NAALADL2: variants seen among roughly 807,000 people sequenced by gnomAD.
NAALADL2 encodes the protein N-acetylated alpha-linked acidic dipeptidase like 2.
NAALADL2 carries 76 observed loss-of-function variants against 87.2 expected under a neutral mutation model. That is an observed-to-expected ratio of 0.87 (90% CI 0.72 to 1.05). NAALADL2 has a LOEUF of 1.05. Ranked by LOEUF, NAALADL2 falls within the 50% of genes least tolerant of loss-of-function variation. The pLI is 0.00. For missense variants in NAALADL2, 1,089 were observed against 945.8 expected (o/e 1.15, Z -1.99); for synonymous variants, 354 against 331.0 (o/e 1.07, Z -0.75).
intron 2 of NAALADL2, among the ~76,000 whole-genome samples, chr3:174,566,616 A>C (rs1425156606): frequency 6.6e-6 from 1 of 151,348 alleles, no homozygotes; most frequent in Non-Finnish European, 1.5e-5. Context: ...AGCTTCCCTC[A>C]TTCCATATTT....
intron 1 of NAALADL2, among the ~76,000 whole-genome samples, chr3:174,522,154 A>T (rs915598883): frequency 1.1e-4 from 16 of 152,136 alleles, no homozygotes; most frequent in African/African-American, 3.4e-4. Context: ...CGTCTCATAG[A>T]GTATAGTGGG....
rs142645748 is a variant in NAALADL2 at position 175,734,202 on chromosome 3, C to T, written c.1897-3104C>T. On this transcript the variant is annotated intron_variant, in intron 11 of 13. Transcript: ENST00000454872. ...TTGCAGAGGTTCTCCATGATGGCCTCGCCCCTGCAACAAATATTTGCTTGG... is the reference window on the plus strand; with the variant it reads ...TTGCAGAGGTTCTCCATGATGGCCTTGCCCCTGCAACAAATATTTGCTTGG... Among the ~76,000 whole-genome samples, 981 of 152,292 alleles carry T rather than the reference C, an allele frequency of 6.4e-3. 1 individual carries two copies. Among genetic ancestry groups the T allele is most frequent in the South Asian group, 0.013 (65 of 4,830 alleles).
intron 2 of NAALADL2, among the ~76,000 whole-genome samples, chr3:174,580,319 A>G (rs1716023530): frequency 6.6e-6 from 1 of 152,076 alleles, no homozygotes; most frequent in Admixed American, 6.6e-5. Flanking sequence ...TAATTATGTC[A>G]AAAATATTTT....
chr3:175,500,627 C>G (rs1729410051), intron 9 of NAALADL2, among the ~76,000 whole-genome samples: 1 of 152,018 alleles, frequency 6.6e-6, no homozygotes, highest in Non-Finnish European at 1.5e-5. Context: ...AACAATTATC[C>G]TGTGTCAGGC....
intron 1 of NAALADL2, among the ~76,000 whole-genome samples, chr3:174,528,618 C>T (rs1720971663): frequency 6.6e-6 from 1 of 152,136 alleles, no homozygotes; most frequent in Non-Finnish European, 1.5e-5. Context: ...TTAGTTTTCA[C>T]ACTGCTGATA....
At chr3:175,249,920 G>A (rs1748705672) in intron 3 of NAALADL2, among the ~76,000 whole-genome samples, 1 of 152,142 alleles carries the variant, frequency 6.6e-6, no homozygotes, top group Non-Finnish European at 1.5e-5. Flanking sequence ...TGTAATCCCA[G>A]CAACTTTGGG....
intron 11 of NAALADL2, among the ~76,000 whole-genome samples, chr3:175,696,089 A>G (rs959263883): frequency 1.3e-5 from 2 of 152,328 alleles, no homozygotes; most frequent in African/African-American, 4.8e-5. Flanking sequence ...TTTTATAGCA[A>G]GAGTGACAAA....
chr3:175,649,561 G>T (rs1043345877), intron 11 of NAALADL2, among the ~76,000 whole-genome samples: 7 of 152,130 alleles, frequency 4.6e-5, no homozygotes, highest in African/African-American at 1.7e-4. Context: ...TTGGTATCTG[G>T]TAAGAGTCTC....
intron 10 of NAALADL2, among the ~76,000 whole-genome samples, chr3:175,591,784 G>GTGTGTGTGTATA (rs1443245536): frequency 7.3e-6 from 1 of 137,096 alleles, no homozygotes; most frequent in African/African-American, 2.8e-5. Flanking sequence ...GTGTGTGTGT[G>GTGTGTGTGTATA]TATATATATA....
At chr3:174,700,000 T>A (rs1434993326) in intron 2 of NAALADL2, among the ~76,000 whole-genome samples, 1 of 152,104 alleles carries the variant, frequency 6.6e-6, no homozygotes, top group Non-Finnish European at 1.5e-5. Flanking sequence ...AAGTGTCAGG[T>A]TCAATTCTCC....
At chr3:175,674,595 C>T (rs934175814) in intron 11 of NAALADL2, among the ~76,000 whole-genome samples, 2 of 152,014 alleles carry the variant, frequency 1.3e-5, no homozygotes, top group African/African-American at 2.4e-5. Flanking sequence ...GATGGATTCT[C>T]TACTTACCAC....
At chr3:174,658,140 G>T (rs1195111843) in intron 2 of NAALADL2, among the ~76,000 whole-genome samples, 1 of 152,108 alleles carries the variant, frequency 6.6e-6, no homozygotes, top group Non-Finnish European at 1.5e-5. Context: ...TGGATAAATA[G>T]TATGATTGTT....
chr3:174,803,101 T>C (rs1244037366), intron 3 of NAALADL2, among the ~76,000 whole-genome samples: 1 of 152,190 alleles, frequency 6.6e-6, no homozygotes, highest in Middle Eastern at 3.2e-3. Context: ...ACCAACAGTG[T>C]AAAAGCATTC....
chr3:174,844,039 A>G (rs528712339), intron 3 of NAALADL2, among the ~76,000 whole-genome samples: 1 of 152,196 alleles, frequency 6.6e-6, no homozygotes, highest in African/African-American at 2.4e-5. Context: ...CAATTTGCCT[A>G]TTTTTGAGTT....
chr3:174,493,588 T>C (rs1232261520), intron 1 of NAALADL2, among the ~76,000 whole-genome samples: 1 of 152,184 alleles, frequency 6.6e-6, no homozygotes, highest in Non-Finnish European at 1.5e-5. Flanking sequence ...CCTGGCAAAT[T>C]AATACAATGA....
chr3:175,105,942 A>G (rs1723076779), intron 2 of NAALADL2, among the ~76,000 whole-genome samples: 1 of 152,078 alleles, frequency 6.6e-6, no homozygotes, highest in Non-Finnish European at 1.5e-5. Flanking sequence ...AGGAGGTGCA[A>G]AGTGGATCCC....
At chr3:175,266,134 T>G (rs1449230048) in intron 4 of NAALADL2, among the ~76,000 whole-genome samples, 2 of 150,802 alleles carry the variant, frequency 1.3e-5, no homozygotes, top group African/African-American at 4.8e-5. Context: ...ATTTTGTATA[T>G]TTTCTCTCAT....
At chr3:175,325,467 T>C (rs1018730127) in intron 5 of NAALADL2, among the ~76,000 whole-genome samples, 4 of 152,188 alleles carry the variant, frequency 2.6e-5, no homozygotes, top group Non-Finnish European at 2.9e-5. Context: ...ATCTACAATT[T>C]CTAGACATCA....
chr3:175,478,170 T>G (rs188320479), intron 9 of NAALADL2, among the ~76,000 whole-genome samples: 1 of 152,118 alleles, frequency 6.6e-6, no homozygotes, highest in East Asian at 1.9e-4. Context: ...TTCTGTTTTC[T>G]TATTTACCAT....
Sources: allele counts gnomAD v4.1 joint callset (sites outside exome capture counted in the v4.1 genomes callset), GRCh38; gene constraint gnomAD v4.1.1; transcripts MANE v1.5; gene names NCBI Gene and HGNC (gene_info 2026-07-23, HGNC 2026-07-21).